The following ZNF783 variants were observed in gnomAD, a reference collection of about 807,000 sequenced individuals.
The protein encoded by ZNF783 is protein ZNF783.
In ZNF783, 25 loss-of-function variants were observed where a neutral mutation model predicts 31.3. The observed-to-expected ratio is 0.80, with a 90% CI of 0.58 to 1.11. The LOEUF is 1.11. Among genes scored for constraint, ZNF783 ranks in the 50% most tolerant of loss-of-function variants. The probability of loss-of-function intolerance (pLI) is 0.00; values close to 1 mark genes in which losing one functional copy is unlikely to be tolerated. For synonymous variants in ZNF783, 369 were observed against 319.1 expected (o/e 1.16, Z -1.66); for missense variants, 797 against 760.0 (o/e 1.05, Z -0.57).
At chr7:149,275,317 CTT>C (rs563040835) in intron 4 of ZNF783, among the ~76,000 whole-genome samples, 15 of 137,596 alleles carry the variant, frequency 1.1e-4, no homozygotes, top group Admixed American at 1.5e-4. Context: ...GTTTTTCTTT[CTT>C]TTTTTTTTTT....
At position 149,269,700 on chromosome 7, in the gene ZNF783, A is replaced by G. The variant is rs183066572; in HGVS notation, c.673+2478A>G. Reference sequence around the variant, plus strand: ...TTATTATTATTATACTTTAAGTTTTAGGGTGCATGTGCACAATGTGCAGGT... The same window carrying G: ...TTATTATTATTATACTTTAAGTTTTGGGGTGCATGTGCACAATGTGCAGGT... On this transcript the variant is annotated intron_variant, in intron 4 of 5. Transcript: ENST00000434415. Among the ~76,000 whole-genome samples the G allele has an allele frequency of 3.0e-3, 460 of 152,290 alleles. 2 individuals are homozygous for G. Among genetic ancestry groups the G allele is most frequent in the African/African-American group, 0.011 (439 of 41,540 alleles).
Position 149,266,756 on chromosome 7 carries a change from G to C in ZNF783, c.420+26G>C, listed in dbSNP as rs375937906. 159 of 1,613,422 alleles carry C rather than the reference G, an allele frequency of 9.9e-5. 1 individual carries two copies. The African/African-American group carries it at 1.9e-3, about 20-fold the overall frequency. On this transcript the variant is annotated intron_variant, in intron 2 of 5. Transcript: ENST00000434415. ...GTAGCACCGGGACACCCTGGGGTGG[G>C]GGAGCTCGAGGGGCTGAGCCTGTGA...
chr7:149,275,317 CTTT>C (rs563040835), intron 4 of ZNF783, among the ~76,000 whole-genome samples: 4 of 137,684 alleles, frequency 2.9e-5, no homozygotes, highest in African/African-American at 2.7e-5. Context: ...GTTTTTCTTT[CTTT>C]TTTTTTTTTT....
rs1174981365 is a variant in ZNF783 at position 149,284,747 on chromosome 7, C to G, written c.*2404C>G. The G allele has an allele frequency of 6.6e-6, 1 of 152,208 alleles. No homozygotes were observed. The highest frequency in any genetic ancestry group is 2.4e-5 in the African/African-American group (1 of 41,446). 9.4% of individuals were successfully genotyped at this position (152,208 alleles called of 1,614,324 possible). ...AGGTCTTGTGAGTTTGCCTAGCACT[C>G]AGACCTGTTTAAGTAACGTTCTTTA... On this transcript the variant is annotated 3_prime_UTR_variant, in exon 6 of 6. Transcript: ENST00000434415.
rs542990198 is a variant in ZNF783, at chr7:149,276,170, C to G, written c.674-2229C>G. Reference sequence around the variant, plus strand: ...CCTCCCAAAGTGTTGGGATTACAGGCATGAGCCACTACGCCCGGCCTTATT... The same window carrying G: ...CCTCCCAAAGTGTTGGGATTACAGGGATGAGCCACTACGCCCGGCCTTATT... On this transcript the variant is annotated intron_variant, in intron 4 of 5. Transcript: ENST00000434415. 3.5e-4 allele frequency: 76 copies of G among 219,576 alleles called. 1 individual carries two copies. The highest frequency in any genetic ancestry group is 1.6e-3 in the South Asian group (10 of 6,084). 13.6% of individuals were successfully genotyped at this position (219,576 alleles called of 1,614,324 possible). A position where few individuals can be genotyped will look rare whatever the true frequency, so the allele number is the denominator to read the frequency against.
chr7:149,279,305 T>C (rs7778923), intron 5 of ZNF783, among the ~76,000 whole-genome samples: 12,539 of 152,324 alleles, frequency 0.082, 546 homozygotes, highest in African/African-American at 0.11. Context: ...TCCTGCCCCA[T>C]TGCAGACCTG....
chr7:149,277,682 T>C (rs1443766347), intron 4 of ZNF783: 1 of 145,648 alleles, frequency 6.9e-6, no homozygotes, highest in African/African-American at 2.6e-5. Flanking sequence ...GAGTTTGCAG[T>C]GAGCCAGGAT....
rs66467231 is a variant in ZNF783, at chr7:149,274,347, C to CT, written c.674-4042dup. 2.1e-4 allele frequency among the ~76,000 whole-genome samples: 31 copies of CT among 145,972 alleles called. 1 individual carries two copies. Among genetic ancestry groups the CT allele is most frequent in the East Asian group, 6.0e-4 (3 of 5,020 alleles). On this transcript the variant is annotated intron_variant, in intron 4 of 5. Transcript: ENST00000434415. ...AACCATCCTTATTCCAATATATGTT[C>CT]TTTTTTTTTTCCTTTTCTTTTTTTT...
chr7:149,281,953 C>T lies in ZNF783; in HGVS notation c.1251C>T (p.Arg417=). The change falls in exon 6 of 6, where the codon CGC becomes CGT. Residue 417 remains arginine, a synonymous_variant. Coordinates refer to ENST00000434415, the MANE Select transcript of ZNF783 (RefSeq NM_001195220.2). The part of the protein sequence containing the change: ...RWLPEEPEGR[R]SVAGGRALVG... Reference sequence around the variant, plus strand: ...TCCCCGAGGAGCCTGAGGGTCGCCGCTCCGTGGCAGGGGGCCGTGCCTTGG... The same window carrying T: ...TCCCCGAGGAGCCTGAGGGTCGCCGTTCCGTGGCAGGGGGCCGTGCCTTGG... 6.4e-7 allele frequency: 1 copy of T among 1,566,442 alleles called. No homozygotes were observed. The highest frequency in any genetic ancestry group is 1.8e-5 in the Admixed American group (1 of 56,932).
chr7:149,281,890 G>A lies in ZNF783; in HGVS notation c.1188G>A (p.Pro396=). 8 of 1,510,786 alleles carry A rather than the reference G, an allele frequency of 5.3e-6. No homozygotes were observed. The highest frequency in any genetic ancestry group is 7.0e-6 in the Non-Finnish European group (8 of 1,135,928). The allele number at this position is 1,510,786 out of a possible 1,614,324, so 93.6% of individuals were successfully genotyped here. Residue 396 remains proline, a synonymous_variant, in exon 6 of 6, where the codon CCG becomes CCA. Transcript: ENST00000434415. The stretch of plus-strand genomic sequence containing the variant: ...GGGACAGCCAGGCCATGCTGGAGCC[G>A]GGGGAGGTGGTGGTACCCGGCCCTG... ...SCGDSQAMLE[P]GEVVVPGPVI...
rs750216220 is a variant in ZNF783, at chr7:149,266,574, C to T, written c.264C>T (p.Phe88=). ...LADCEKTAVE[F]GNQLEGKWAV... is the part of the protein sequence containing the mutation. ...ACTGCGAGAAGACAGCTGTGGAGTT[C>T]GGGAACCAGCTGGAGGGCAAGTGGG... is the stretch of plus-strand genomic sequence containing the variant. The change falls in exon 2 of 6, where the codon TTC becomes TTT. Residue 88 remains phenylalanine (F), a synonymous_variant. Coordinates refer to ENST00000434415, the MANE Select transcript of ZNF783 (RefSeq NM_001195220.2). 27 of 1,614,054 alleles carry T rather than the reference C, an allele frequency of 1.7e-5. No individual in the cohort carries two copies. The highest frequency in any genetic ancestry group is 6.7e-5 in the African/African-American group (5 of 74,908).
At chr7:149,269,638 G>A (rs1288415980) in intron 4 of ZNF783, among the ~76,000 whole-genome samples, 6 of 152,088 alleles carry the variant, frequency 3.9e-5, no homozygotes, top group Non-Finnish European at 8.8e-5. Context: ...TTCTGCACAT[G>A]TCTAGCTAGT....
chr7:149,281,528 G>C lies in ZNF783; in HGVS notation c.826G>C (p.Glu276Gln), dbSNP rs752749935. Reference protein sequence around the residue: ...EAGGGVAIKTEAQSEDEMTPE... With the variant: ...EAGGGVAIKTQAQSEDEMTPE... ...AGGTGGTGGTGTGGCCATCAAGACAGAGGCACAGTCTGAAGACGAGATGAC... is the reference window on the plus strand; with the variant it reads ...AGGTGGTGGTGTGGCCATCAAGACACAGGCACAGTCTGAAGACGAGATGAC... The change falls in exon 6 of 6, where the codon GAG (glutamate) becomes CAG (glutamine). Residue 276 changes from glutamate to glutamine, a missense_variant. By Grantham distance (29) the Glu-to-Gln change is conservative. Coordinates refer to ENST00000434415, the MANE Select transcript of ZNF783 (RefSeq NM_001195220.2). The C allele has an allele frequency of 6.9e-7, 1 of 1,458,366 alleles. No individual in the cohort carries two copies. Among genetic ancestry groups the C allele is most frequent in the South Asian group, 1.5e-5 (1 of 68,648 alleles). 90.3% of individuals were successfully genotyped at this position (1,458,366 alleles called of 1,614,324 possible).
At chr7:149,279,255 A>G (rs1339872243) in intron 5 of ZNF783, among the ~76,000 whole-genome samples, 1 of 151,994 alleles carries the variant, frequency 6.6e-6, no homozygotes, top group African/African-American at 2.4e-5. Context: ...CTGCTCATGG[A>G]GTTGGAGAGA....
rs1206750697 is a variant in ZNF783, at chr7:149,277,889, T to C, written c.674-510T>C. 4 of 171,870 alleles carry C rather than the reference T, an allele frequency of 2.3e-5. No individual in the cohort carries two copies. The South Asian group carries it at 4.4e-4, about 19-fold the overall frequency. The allele number at this position is 171,870 out of a possible 1,614,324, so 10.6% of individuals were successfully genotyped here. A position where few individuals can be genotyped will look rare whatever the true frequency, so the allele number is the denominator to read the frequency against. On this transcript the variant is annotated intron_variant, in intron 4 of 5. Coordinates refer to ENST00000434415, the MANE Select transcript of ZNF783 (RefSeq NM_001195220.2). The stretch of plus-strand genomic sequence containing the variant: ...CTGGGAGGCGGGCACTGATTAAACA[T>C]GTATATAGACACGGGTTCTAAGAAG...
chr7:149,276,653 TTTTA>T (rs10701540), intron 4 of ZNF783: 57,017 of 756,198 alleles, frequency 0.075, 2,029 homozygotes, highest in African/African-American at 0.082. Context: ...TTGGGTTACT[TTTTA>T]TTTATTTATT....
intron 5 of ZNF783, among the ~76,000 whole-genome samples, chr7:149,279,261 A>G (rs1271796404): frequency 1.3e-5 from 2 of 152,144 alleles, no homozygotes; most frequent in Non-Finnish European, 2.9e-5. Flanking sequence ...ATGGAGTTGG[A>G]GAGATGGGAC....
At chr7:149,281,208 C>T (rs1797457941) in intron 5 of ZNF783, among the ~76,000 whole-genome samples, 1 of 152,224 alleles carries the variant, frequency 6.6e-6, no homozygotes, top group Non-Finnish European at 1.5e-5. Context: ...GTGTCCCACT[C>T]CAGCTGACCC....
At chr7:149,268,107 G>A (rs1281127976) in intron 4 of ZNF783, among the ~76,000 whole-genome samples, 1 of 152,144 alleles carries the variant, frequency 6.6e-6, no homozygotes. Flanking sequence ...ATAGCACAGC[G>A]AATCTCCAAA....
Sources: gnomAD v4.1 joint callset for allele counts (sites outside exome capture counted in the v4.1 genomes callset) on GRCh38, gnomAD v4.1.1 for gene constraint, MANE v1.5 for transcripts, NCBI Gene and HGNC (gene_info 2026-07-23, HGNC 2026-07-21) for gene names.